Variants in CNTNAP2 observed in about 807,000 individuals in gnomAD.
CNTNAP2 encodes contactin associated protein 2, also known as contactin-associated protein-like 2.
In CNTNAP2, 98 loss-of-function variants were observed where a neutral mutation model predicts 155.2. The ratio of observed to expected loss-of-function variants is 0.63; its 90% CI spans 0.54 to 0.75. The LOEUF is 0.75. CNTNAP2 is among the 30% of genes least tolerant of loss of function. The pLI, the probability that CNTNAP2 is intolerant of heterozygous loss-of-function variation, is 0.00. For synonymous variants in CNTNAP2, 651 were observed against 631.2 expected (o/e 1.03, Z -0.47); for missense variants, 1,727 against 1,688.1 (o/e 1.02, Z -0.40).
intron 10 of CNTNAP2, among the ~76,000 whole-genome samples, chr7:147,444,525 C>CTTTTTT (rs557707358): frequency 7.6e-6 from 1 of 131,876 alleles, no homozygotes; most frequent in African/African-American, 2.7e-5. Flanking sequence ...ATTAAATTTT[C>CTTTTTT]TTTTTTTTTT....
At chr7:148,307,570 C>T (rs182702136) in intron 21 of CNTNAP2, among the ~76,000 whole-genome samples, 22 of 152,284 alleles carry the variant, frequency 1.4e-4, no homozygotes, top group African/African-American at 5.1e-4. Flanking sequence ...CACTTCATTC[C>T]CCTTTTCACG....
At chr7:147,796,696 G>T (rs1349349469) in intron 13 of CNTNAP2, among the ~76,000 whole-genome samples, 1 of 152,118 alleles carries the variant, frequency 6.6e-6, no homozygotes. Context: ...AAACAAGGAA[G>T]CTTCTCTATA....
At chr7:146,742,272 G>T (rs1801731323) in intron 1 of CNTNAP2, among the ~76,000 whole-genome samples, 1 of 151,934 alleles carries the variant, frequency 6.6e-6, no homozygotes, top group African/African-American at 2.4e-5. Flanking sequence ...AGATGTCCAG[G>T]GTAATTTTCC....
intron 12 of CNTNAP2, among the ~76,000 whole-genome samples, chr7:147,595,362 T>C (rs1800808630): frequency 1.3e-5 from 2 of 152,182 alleles, no homozygotes; most frequent in Non-Finnish European, 1.5e-5. Flanking sequence ...TGCAATTGTA[T>C]TGTGATGCCT....
rs183888511 is a variant in CNTNAP2 at position 147,659,742 on chromosome 7, T to C, written c.2098+20436T>C. ...GAGAAGAAGAAAACAGAATAGATTT[T>C]ATTTTAAAGAACTCCTGAAACCTTA... On this transcript the variant is annotated intron_variant, in intron 13 of 23. Coordinates refer to ENST00000361727, the MANE Select transcript of CNTNAP2 (RefSeq NM_014141.6). Among the ~76,000 whole-genome samples, 361 of 152,328 alleles carry C rather than the reference T, an allele frequency of 2.4e-3. 1 individual carries two copies. The highest frequency in any genetic ancestry group is 8.4e-3 in the African/African-American group (348 of 41,574).
intron 13 of CNTNAP2, among the ~76,000 whole-genome samples, chr7:147,743,621 C>T (rs911354056): frequency 6.6e-6 from 1 of 152,112 alleles, no homozygotes; most frequent in Non-Finnish European, 1.5e-5. Flanking sequence ...TTCCGGTTGC[C>T]TTGATTTAGG....
chr7:148,048,443 A>G (rs1268887933), intron 15 of CNTNAP2, among the ~76,000 whole-genome samples: 2 of 152,042 alleles, frequency 1.3e-5, no homozygotes, highest in Admixed American at 6.6e-5. Flanking sequence ...TGAACCATCT[A>G]AGGGAAGGAC....
chr7:146,860,087 G>A (rs1795070485), intron 3 of CNTNAP2, among the ~76,000 whole-genome samples: 1 of 152,130 alleles, frequency 6.6e-6, no homozygotes, highest in Non-Finnish European at 1.5e-5. Flanking sequence ...CAAAAATGTG[G>A]TAAGACTTTT....
chr7:147,601,523 C>A (rs1406365204), intron 12 of CNTNAP2, among the ~76,000 whole-genome samples: 7 of 151,684 alleles, frequency 4.6e-5, no homozygotes, highest in African/African-American at 1.7e-4. Flanking sequence ...TCTTCAGTTA[C>A]TTCAGGCCAT....
intron 1 of CNTNAP2, among the ~76,000 whole-genome samples, chr7:146,305,257 C>A (rs968115931): frequency 2.0e-5 from 3 of 152,176 alleles, no homozygotes; most frequent in Admixed American, 6.5e-5. Context: ...TGCCAGTCGT[C>A]TGAAGCCTTC....
chr7:146,162,425 A>G (rs918293374), intron 1 of CNTNAP2, among the ~76,000 whole-genome samples: 1 of 152,250 alleles, frequency 6.6e-6, no homozygotes, highest in Non-Finnish European at 1.5e-5. Flanking sequence ...ATCACTGGCC[A>G]TGAGAGAAAT....
At chr7:146,249,933 C>A (rs755355557) in intron 1 of CNTNAP2, among the ~76,000 whole-genome samples, 39 of 152,038 alleles carry the variant, frequency 2.6e-4, no homozygotes, top group Non-Finnish European at 4.7e-4. Context: ...CGTCTTAGGG[C>A]TCTATGCAGT....
intron 14 of CNTNAP2, among the ~76,000 whole-genome samples, chr7:147,907,114 T>C (rs759626586): frequency 7.2e-5 from 11 of 152,142 alleles, no homozygotes; most frequent in Non-Finnish European, 1.5e-4. Context: ...TGGAGTGCAG[T>C]GGCATGATCT....
At chr7:146,433,332 C>T (rs1796197535) in intron 1 of CNTNAP2, among the ~76,000 whole-genome samples, 1 of 152,092 alleles carries the variant, frequency 6.6e-6, no homozygotes, top group Non-Finnish European at 1.5e-5. Context: ...CCTTCTAATT[C>T]AGAACGCGAT....
chr7:146,390,916 A>G (rs1262538940), intron 1 of CNTNAP2, among the ~76,000 whole-genome samples: 1 of 149,086 alleles, frequency 6.7e-6, no homozygotes, highest in African/African-American at 2.4e-5. Context: ...AAAATACAAA[A>G]ATTAGCCGGA....
At chr7:146,732,089 A>G (rs758263523) in intron 1 of CNTNAP2, among the ~76,000 whole-genome samples, 45 of 152,130 alleles carry the variant, frequency 3.0e-4, no homozygotes, top group Non-Finnish European at 5.6e-4. Context: ...AAGATTCACC[A>G]ATAGATTTCT....
intron 1 of CNTNAP2, among the ~76,000 whole-genome samples, chr7:146,622,171 GTA>G (rs1264532461): frequency 6.8e-6 from 1 of 146,740 alleles, no homozygotes; most frequent in Non-Finnish European, 1.5e-5. Flanking sequence ...ATACACACAC[GTA>G]TATATATACA....
At chr7:146,936,619 T>C (rs544021406) in intron 3 of CNTNAP2, among the ~76,000 whole-genome samples, 15 of 152,348 alleles carry the variant, frequency 9.8e-5, no homozygotes, top group Admixed American at 2.6e-4. Context: ...GGATGAACCA[T>C]AACCTAACTT....
intron 3 of CNTNAP2, among the ~76,000 whole-genome samples, chr7:146,967,126 G>T (rs933530807): frequency 2.0e-5 from 3 of 152,064 alleles, no homozygotes; most frequent in African/African-American, 7.2e-5. Flanking sequence ...TTTTACATTG[G>T]ACCTCATTTA....
Sources: gnomAD v4.1 joint callset for allele counts (sites outside exome capture counted in the v4.1 genomes callset) on GRCh38, gnomAD v4.1.1 for gene constraint, MANE v1.5 for transcripts, NCBI Gene and HGNC (gene_info 2026-07-23, HGNC 2026-07-21) for gene names.